Variants in ITGA5 observed in about 807,000 individuals in gnomAD.
ITGA5 encodes the protein integrin subunit alpha 5.
ITGA5 carries 55 observed loss-of-function variants against 146.3 expected under a neutral mutation model. The ratio of observed to expected loss-of-function variants is 0.38; its 90% CI spans 0.30 to 0.47. ITGA5 has a LOEUF of 0.47. Among genes scored for constraint, ITGA5 ranks in the 20% least tolerant of loss-of-function variants. The pLI, the probability that ITGA5 is intolerant of heterozygous loss-of-function variation, is 0.99. For missense variants in ITGA5, 1,131 were observed against 1,329.0 expected (o/e 0.85, Z 2.32); for synonymous variants, 500 against 531.8 (o/e 0.94, Z 0.82).
chr12:54,405,247 T>A lies in ITGA5; in HGVS notation c.1144A>T (p.Thr382Ser), dbSNP rs554050434. ...PAGIEPTPTL[T>S]LTGHDEFGRF... Reference sequence around the variant, plus strand: ...CCAAACTCATCATGGCCAGTGAGGGTAAGGGTGGGCGTGGGCTCTATGCCG... The same window carrying A: ...CCAAACTCATCATGGCCAGTGAGGGAAAGGGTGGGCGTGGGCTCTATGCCG... Residue 382 changes from threonine (T) to serine (S), a missense_variant, in exon 12 of 30, where the codon ACC becomes TCC. Physicochemically the swap from Thr to Ser is moderately conservative, Grantham distance 58 (BLOSUM62 1). This residue lies in a region of ITGA5 where 889 missense variants were observed against 1,021.5 expected (regional missense o/e 0.87). Coordinates refer to ENST00000293379, the MANE Select transcript of ITGA5 (RefSeq NM_002205.5). The A allele has an allele frequency of 6.8e-6, 11 of 1,613,640 alleles. No individual in the cohort carries two copies. Among genetic ancestry groups the A allele is most frequent in the African/African-American group, 1.3e-5 (1 of 74,972 alleles).
rs370380297 is a variant in ITGA5 at position 54,409,225 on chromosome 12, C to A, written c.583+7G>T. On this transcript the variant is annotated splice_region_variant and intron_variant, in intron 4 of 29. Transcript: ENST00000293379. The surrounding 1 kb of genome is among the most constrained non-coding windows in gnomAD (Gnocchi z 4.7). Reference sequence around the variant, plus strand: ...GACATGGGGCACAGGCCCCCTCTTGCCCCTACCTGAGCGGCAGGGTGCATA... The same window carrying A: ...GACATGGGGCACAGGCCCCCTCTTGACCCTACCTGAGCGGCAGGGTGCATA... 1.2e-6 allele frequency: 2 copies of A among 1,607,640 alleles called. No homozygotes were observed. Among genetic ancestry groups the A allele is most frequent in the Non-Finnish European group, 1.7e-6 (2 of 1,177,058 alleles).
rs781779041 is a variant in ITGA5 at position 54,403,634 on chromosome 12, G to C, written c.1767C>G (p.Ile589Met). 6.8e-6 allele frequency: 11 copies of C among 1,613,828 alleles called. No individual in the cohort carries two copies. The East Asian group carries it at 2.5e-4, about 36-fold the overall frequency. ...GCCCTCTGGGCCATACCCTGAGGTAGATCTTCATCTCTCTGCAATCCTCTC... is the reference window on the plus strand; with the variant it reads ...GCCCTCTGGGCCATACCCTGAGGTACATCTTCATCTCTCTGCAATCCTCTC... ...GAREDCREMK[I>M]YLRNESEFRD... is the part of the protein sequence containing the mutation. Residue 589 changes from isoleucine to methionine, a missense_variant, in exon 17 of 30, where the codon ATC becomes ATG. Coordinates refer to ENST00000293379, the MANE Select transcript of ITGA5 (RefSeq NM_002205.5). This position sits in a 1 kb window ranked among gnomAD's most constrained non-coding sequence, Gnocchi z 4.9.
intron 19 of ITGA5, 113 bp from the exon 20 acceptor site, chr12:54,402,443 T>C: frequency 1.0e-6 from 1 of 970,906 alleles, no homozygotes; most frequent in Non-Finnish European, 1.5e-6. Context: ...ACACCTGTAA[T>C]CCCAGCACTT....
At position 54,399,670 on chromosome 12, in the gene ITGA5, C is replaced by T. The variant is rs1237134836; in HGVS notation, c.2816G>A (p.Arg939Gln). The T allele has an allele frequency of 3.1e-6, 5 of 1,614,072 alleles. No individual in the cohort carries two copies. Among genetic ancestry groups the T allele is most frequent in the East Asian group, 2.2e-5 (1 of 44,884 alleles). ...QESQSLQLHF[R>Q]VWAKTFLQRE... ...CTGCAAGAAAGTCTTGGCCCAGACTCGGAAATGCAACTGCAGACTTTGGCT... is the reference window on the plus strand; with the variant it reads ...CTGCAAGAAAGTCTTGGCCCAGACTTGGAAATGCAACTGCAGACTTTGGCT... Residue 939 changes from arginine (R) to glutamine (Q), a missense_variant, in exon 27 of 30, where the codon CGA becomes CAA. Coordinates refer to ENST00000293379, the MANE Select transcript of ITGA5 (RefSeq NM_002205.5).
At chr12:54,406,887 C>T (rs80302300) in intron 9 of ITGA5, among the ~76,000 whole-genome samples, 4,512 of 152,274 alleles carry the variant, frequency 0.03, 154 homozygotes, top group South Asian at 0.087. Flanking sequence ...AACTGCTATG[C>T]CACTGTATCC....
At position 54,397,390 on chromosome 12, in the gene ITGA5, C is replaced by T. The variant is rs369205279; in HGVS notation, c.3041G>A (p.Gly1014Asp). The part of the protein sequence containing the change: ...LAILFGLLLL[G>D]LLIYILYKLG... ...CTTGTAGAGGATGTAGATGAGTAGA[C>T]CTAGGAGCAGGAGGCCAAACAGGAT... Residue 1014 changes from glycine to aspartate, a missense_variant, in exon 29 of 30, where the codon GGT (glycine) becomes GAT (aspartate). Coordinates refer to ENST00000293379, the MANE Select transcript of ITGA5 (RefSeq NM_002205.5). 6.2e-7 allele frequency: 1 copy of T among 1,614,014 alleles called. No homozygotes were observed. The highest frequency in any genetic ancestry group is 1.1e-5 in the South Asian group (1 of 91,076).
At chr12:54,410,460 A>G (rs1955929602) in intron 2 of ITGA5, among the ~76,000 whole-genome samples, 1 of 149,732 alleles carries the variant, frequency 6.7e-6, no homozygotes, top group Admixed American at 6.7e-5. Context: ...ATCCTCCCAC[A>G]TCAGCCCCCC....
rs371082631 is a variant in ITGA5, at chr12:54,399,879, C to T, written c.2712G>A (p.Ser904=). ...REAPSRSSAS[S]GPQILKCPEA... ...CCTGACTTACCAGGATCTGAGGTCC[C>T]GAGGAAGCAGAGCTGCGGCTTGGAG... Residue 904 remains serine, a synonymous_variant, in exon 26 of 30, where the codon TCG becomes TCA. Coordinates refer to ENST00000293379, the MANE Select transcript of ITGA5 (RefSeq NM_002205.5). 1.1e-5 allele frequency: 17 copies of T among 1,613,988 alleles called. No homozygotes were observed. Among genetic ancestry groups the T allele is most frequent in the African/African-American group, 1.3e-5 (1 of 74,910 alleles).
In ITGA5 at chr12:54,419,234, C is replaced by G. The variant is rs947178583; in HGVS notation, c.-36G>C. On this transcript the variant is annotated 5_prime_UTR_variant, in exon 1 of 30. Coordinates refer to ENST00000293379, the MANE Select transcript of ITGA5 (RefSeq NM_002205.5). ...CTTCCCTGTCCTGGGGCCACCGACCCGGAGCCGCTTCCTAAACCTCCCAGA... is the reference window on the plus strand; with the variant it reads ...CTTCCCTGTCCTGGGGCCACCGACCGGGAGCCGCTTCCTAAACCTCCCAGA... 3 of 1,546,606 alleles carry G rather than the reference C, an allele frequency of 1.9e-6. No homozygotes were observed. Among genetic ancestry groups the G allele is most frequent in the East Asian group, 2.5e-5 (1 of 40,814 alleles).
chr12:54,400,148 C>CT, intron 25 of ITGA5: 1 of 576,366 alleles, frequency 1.7e-6, no homozygotes. Context: ...GGAGATCACA[C>CT]TGGAGGAGAT....
Position 54,400,960 on chromosome 12 carries a change from A to T in ITGA5, c.2529T>A (p.Gly843=), listed in dbSNP as rs1955777793. The change falls in exon 25 of 30, where the codon GGT becomes GGA. Residue 843 remains glycine (G), a synonymous_variant. Coordinates refer to ENST00000293379, the MANE Select transcript of ITGA5 (RefSeq NM_002205.5). ...INQGPSSISQ[G]VLELSCPQAL... is the part of the protein sequence containing the mutation. ...CCTGGGGACAGCTGAGTTCCAGCAC[A>T]CCCTGGCTAATGGAGCTGGGGCCTT... is the stretch of plus-strand genomic sequence containing the variant. The T allele has an allele frequency of 6.2e-7, 1 of 1,613,806 alleles. No homozygotes were observed. The highest frequency in any genetic ancestry group is 8.5e-7 in the Non-Finnish European group (1 of 1,179,890).
rs771291385 is a variant in ITGA5 at position 54,416,259 on chromosome 12, G to A, written c.218+2722C>T. On this transcript the variant is annotated intron_variant, in intron 1 of 29. Transcript: ENST00000293379. The surrounding 1 kb of genome is among the most constrained non-coding windows in gnomAD (Gnocchi z 4.1). ...TAATTTTTTTATTTTTAGTAGAGATGGGGTTTCACCATGTTGGCCAGGCTG... is the reference window on the plus strand; with the variant it reads ...TAATTTTTTTATTTTTAGTAGAGATAGGGTTTCACCATGTTGGCCAGGCTG... 2.0e-5 allele frequency among the ~76,000 whole-genome samples: 3 copies of A among 152,250 alleles called. No individual in the cohort carries two copies. The highest frequency in any genetic ancestry group is 6.8e-3 in the Middle Eastern group (2 of 292).
chr12:54,409,223 T>C lies in ITGA5; in HGVS notation c.583+9A>G. On this transcript the variant is annotated intron_variant, in intron 4 of 29. Coordinates refer to ENST00000293379, the MANE Select transcript of ITGA5 (RefSeq NM_002205.5). This position sits in a 1 kb window ranked among gnomAD's most constrained non-coding sequence, Gnocchi z 4.7. Reference sequence around the variant, plus strand: ...CAGACATGGGGCACAGGCCCCCTCTTGCCCCTACCTGAGCGGCAGGGTGCA... The same window carrying C: ...CAGACATGGGGCACAGGCCCCCTCTCGCCCCTACCTGAGCGGCAGGGTGCA... 1 of 1,606,600 alleles carries C rather than the reference T, an allele frequency of 6.2e-7. No individual in the cohort carries two copies. The highest frequency in any genetic ancestry group is 8.5e-7 in the Non-Finnish European group (1 of 1,176,702).
chr12:54,396,374 A>C lies in ITGA5; in HGVS notation c.3069T>G (p.Leu1023=). The change falls in exon 30 of 30, where the codon CTT becomes CTG. Residue 1023 remains leucine (L), a splice_region_variant and synonymous_variant. Coordinates refer to ENST00000293379, the MANE Select transcript of ITGA5 (RefSeq NM_002205.5). ...ATGGGAGGGAGCGTTTGAAGAATCC[A>C]AGCTGATAAAGGGGAAAAGAGGGAG... ...LGLLIYILYK[L]GFFKRSLPYG... is the part of the protein sequence containing the mutation. 6.2e-7 allele frequency: 1 copy of C among 1,613,088 alleles called. No individual in the cohort carries two copies. Among genetic ancestry groups the C allele is most frequent in the Non-Finnish European group, 8.5e-7 (1 of 1,179,084 alleles).
chr12:54,402,407 T>C (rs764512774), intron 19 of ITGA5, 77 bp from the exon 20 acceptor site: 2 of 1,390,768 alleles, frequency 1.4e-6, no homozygotes, highest in Non-Finnish European at 2.0e-6. Context: ...ATAAGAGTAG[T>C]AATACGAGGC....
chr12:54,409,655 A>T lies in ITGA5; in HGVS notation c.350-58T>A. 1 of 1,188,370 alleles carries T rather than the reference A, an allele frequency of 8.4e-7. No homozygotes were observed. The highest frequency in any genetic ancestry group is 1.3e-5 in the South Asian group (1 of 78,672). 73.6% of individuals were successfully genotyped at this position (1,188,370 alleles called of 1,614,324 possible). ...GCCATGGACATTTGAGCTCTAGGGCAGCCCCTACCCTCAGCCTGGGGATAC... is the reference window on the plus strand; with the variant it reads ...GCCATGGACATTTGAGCTCTAGGGCTGCCCCTACCCTCAGCCTGGGGATAC... On this transcript the variant is annotated intron_variant, in intron 2 of 29. Transcript: ENST00000293379. The surrounding 1 kb of genome is among the most constrained non-coding windows in gnomAD (Gnocchi z 4.7).
chr12:54,396,509 A>G, intron 29 of ITGA5, 133 bp from the exon 30 acceptor site: 1 of 696,298 alleles, frequency 1.4e-6, no homozygotes, highest in Non-Finnish European at 2.5e-6. Flanking sequence ...CTCTGAATTC[A>G]GGCTAGGACT....
chr12:54,419,227 A>C lies in ITGA5; in HGVS notation c.-29T>G. On this transcript the variant is annotated 5_prime_UTR_variant, in exon 1 of 30. Coordinates refer to ENST00000293379, the MANE Select transcript of ITGA5 (RefSeq NM_002205.5). Reference sequence around the variant, plus strand: ...GCCCGCTCTTCCCTGTCCTGGGGCCACCGACCCGGAGCCGCTTCCTAAACC... The same window carrying C: ...GCCCGCTCTTCCCTGTCCTGGGGCCCCCGACCCGGAGCCGCTTCCTAAACC... 1 of 1,547,482 alleles carries C rather than the reference A, an allele frequency of 6.5e-7. No individual in the cohort carries two copies. The highest frequency in any genetic ancestry group is 8.7e-7 in the Non-Finnish European group (1 of 1,146,780).
chr12:54,409,664 C>T lies in ITGA5; in HGVS notation c.350-67G>A. On this transcript the variant is annotated intron_variant, in intron 2 of 29. Transcript: ENST00000293379. This position sits in a 1 kb window ranked among gnomAD's most constrained non-coding sequence, Gnocchi z 4.7. ...ATTTGAGCTCTAGGGCAGCCCCTAC[C>T]CTCAGCCTGGGGATACCCAACAAAC... 1 of 1,065,688 alleles carries T rather than the reference C, an allele frequency of 9.4e-7. No individual in the cohort carries two copies. Among genetic ancestry groups the T allele is most frequent in the South Asian group, 1.4e-5 (1 of 73,448 alleles). 66.0% of individuals were successfully genotyped at this position (1,065,688 alleles called of 1,614,324 possible).
Sources: gnomAD v4.1 joint callset for allele counts (sites outside exome capture counted in the v4.1 genomes callset) on GRCh38, gnomAD v4.1.1 for gene constraint, gnomAD v4.1.1 regional missense constraint, Gnocchi (gnomAD v3.1) non-coding constraint, MANE v1.5 for transcripts, NCBI Gene and HGNC (gene_info 2026-07-23, HGNC 2026-07-21) for gene names.